C2CD3: variants seen among roughly 807,000 people sequenced by gnomAD.
C2CD3 encodes C2 domain-containing protein 3.
Under a neutral mutation model 234.0 loss-of-function variants are expected in C2CD3, and 148 were observed. That is an observed-to-expected ratio of 0.63 (90% CI 0.55 to 0.72). The LOEUF is 0.72. Ranked by LOEUF, C2CD3 falls within the 30% of genes least tolerant of loss-of-function variation. The pLI is 0.00. For missense variants in C2CD3, 2,577 were observed against 2,811.5 expected, an observed-to-expected ratio of 0.92 and a Z score of 1.89; for synonymous variants, 1,000 against 1,035.4, an observed-to-expected ratio of 0.97 and a Z score of 0.66.
intron 3 of C2CD3, among the ~76,000 whole-genome samples, chr11:74,156,004 A>G (rs1437206238): frequency 6.6e-6 from 1 of 151,968 alleles, no homozygotes; most frequent in East Asian, 1.9e-4. Context: ...GGCCAGGTGC[A>G]GTGGGTCATG....
chr11:74,142,964 C>A (rs1473447220), intron 3 of C2CD3, among the ~76,000 whole-genome samples: 1 of 151,940 alleles, frequency 6.6e-6, no homozygotes, highest in Non-Finnish European at 1.5e-5. Flanking sequence ...ACATTTTTTT[C>A]TTTAAATGTC....
intron 16 of C2CD3, among the ~76,000 whole-genome samples, chr11:74,095,825 G>C (rs1370890208): frequency 6.6e-6 from 1 of 152,192 alleles, no homozygotes; most frequent in African/African-American, 2.4e-5. Flanking sequence ...AAAGGAATGA[G>C]AAGTGAAGTG....
At chr11:74,032,161 G>A (rs1426027460) in intron 31 of C2CD3, among the ~76,000 whole-genome samples, 1 of 152,158 alleles carries the variant, frequency 6.6e-6, no homozygotes, top group Non-Finnish European at 1.5e-5. Flanking sequence ...TGGTGGGTAA[G>A]GGATTTCCGC....
chr11:74,138,450 G>A (rs991405084), intron 5 of C2CD3, among the ~76,000 whole-genome samples: 2 of 152,136 alleles, frequency 1.3e-5, no homozygotes, highest in African/African-American at 4.8e-5. Context: ...CCTTTTCTAT[G>A]ATAAAGGTTT....
intron 5 of C2CD3, among the ~76,000 whole-genome samples, chr11:74,135,510 A>C (rs1957833630): frequency 6.6e-6 from 1 of 152,164 alleles, no homozygotes; most frequent in Admixed American, 6.5e-5. Flanking sequence ...TAACCTTTTA[A>C]AGCAAATTTT....
intron 14 of C2CD3, among the ~76,000 whole-genome samples, chr11:74,100,892 T>C (rs1170806488): frequency 6.6e-6 from 1 of 151,838 alleles, no homozygotes; most frequent in Non-Finnish European, 1.5e-5. Context: ...AAACAGTGAG[T>C]TCTCTGATGA....
chr11:74,109,138 G>C lies in C2CD3; in HGVS notation c.1858C>G (p.Gln620Glu). 6.4e-7 allele frequency: 1 copy of C among 1,573,390 alleles called. No homozygotes were observed. Among genetic ancestry groups the C allele is most frequent in the Non-Finnish European group, 8.6e-7 (1 of 1,160,776 alleles). ...KITDGKVKFQ[Q>E]RFVFPVQFGG... The stretch of plus-strand genomic sequence containing the variant: ...AACTGTACTGGAAACACAAATCGCT[G>C]CTGGAACTTCACCTCTGTAAGGAGA... Residue 620 changes from glutamine (Q) to glutamate (E), a missense_variant, in exon 12 of 33, where the codon CAG (glutamine) becomes GAG (glutamate). By Grantham distance (29) the Gln-to-Glu change is conservative (BLOSUM62 2). Coordinates refer to ENST00000334126, the MANE Select transcript of C2CD3 (RefSeq NM_001286577.2).
intron 23 of C2CD3, among the ~76,000 whole-genome samples, chr11:74,075,231 G>A (rs749444693): frequency 1.3e-4 from 20 of 152,208 alleles, no homozygotes; most frequent in Non-Finnish European, 2.8e-4. Context: ...AGAAGTCTAA[G>A]ATTTGATGAA....
chr11:74,081,508 T>C (rs1955357729), intron 22 of C2CD3, among the ~76,000 whole-genome samples: 1 of 152,234 alleles, frequency 6.6e-6, no homozygotes, highest in Admixed American at 6.5e-5. Flanking sequence ...AATAAGATCC[T>C]ATATCCTTAC....
chr11:74,093,970 T>C lies in C2CD3; in HGVS notation c.3190A>G (p.Thr1064Ala), dbSNP rs1431137684. 3 of 1,613,760 alleles carry C rather than the reference T, an allele frequency of 1.9e-6. No individual in the cohort carries two copies. The South Asian group carries it at 3.3e-5, about 18-fold the overall frequency. Residue 1064 changes from threonine to alanine, a missense_variant, in exon 18 of 33, where the codon ACC becomes GCC. Physicochemically the swap from Thr to Ala is moderately conservative, Grantham distance 58. Coordinates refer to ENST00000334126, the MANE Select transcript of C2CD3 (RefSeq NM_001286577.2). ...ATGGGATCTGGAACACAGAGTGTGG[T>C]TGCAGTTCTGAAGGGCTTCAGAGTA... is the stretch of plus-strand genomic sequence containing the variant. ...GITLKPFRTA[T>A]TLCVPDPIFN... is the part of the protein sequence containing the mutation.
At chr11:74,057,881 T>G (rs985765775) in intron 24 of C2CD3, among the ~76,000 whole-genome samples, 1 of 151,904 alleles carries the variant, frequency 6.6e-6, no homozygotes, top group Non-Finnish European at 1.5e-5. Flanking sequence ...ATCTCTTGAG[T>G]CTGGGAGGCA....
At chr11:74,170,519 C>T (rs137913578) in intron 1 of C2CD3, among the ~76,000 whole-genome samples, 1 of 152,346 alleles carries the variant, frequency 6.6e-6, no homozygotes, top group African/African-American at 2.4e-5. Context: ...CGGTAACCTT[C>T]ATCTCATTAA....
intron 31 of C2CD3, among the ~76,000 whole-genome samples, chr11:74,033,025 TTC>T (rs1286858134): frequency 6.6e-6 from 1 of 152,326 alleles, no homozygotes; most frequent in East Asian, 1.9e-4. Context: ...GACCCTCTGC[TTC>T]TCTTTCAACT....
chr11:74,107,322 T>TCTCACACACACACACACACACACA (rs948551188), intron 12 of C2CD3, among the ~76,000 whole-genome samples: 49 of 146,614 alleles, frequency 3.3e-4, no homozygotes, highest in African/African-American at 1.1e-3. Context: ...TGAAACTGTG[T>TCTCACACACACACACACACACACA]CACACACACA....
rs1951745563 is a variant in C2CD3 at position 74,012,939 on chromosome 11, G to A, written c.*446C>T. 1 of 152,652 alleles carries A rather than the reference G, an allele frequency of 6.6e-6. No individual in the cohort carries two copies. The highest frequency in any genetic ancestry group is 2.1e-4 in the South Asian group (1 of 4,822). The allele number at this position is 152,652 out of a possible 1,614,324, so 9.5% of individuals were successfully genotyped here. The stretch of plus-strand genomic sequence containing the variant: ...TTGTTCCCACACAAATGAACTGGAG[G>A]TGGCCCTAGGATTTCCTTGACTATG... On this transcript the variant is annotated 3_prime_UTR_variant, in exon 33 of 33. Transcript: ENST00000334126.
Position 74,057,643 on chromosome 11 carries a change from A to G in C2CD3, c.4952-99T>C, listed in dbSNP as rs1954019534. ...GACTATTCCTGGCCCTCTTCTTCCT[A>G]TGGGGTCTTTGCTCAAGCTATCCCC... On this transcript the variant is annotated intron_variant, in intron 24 of 32. Transcript: ENST00000334126. The G allele has an allele frequency of 5.6e-6, 7 of 1,250,060 alleles. No individual in the cohort carries two copies. The East Asian group carries it at 1.6e-4, about 29-fold the overall frequency. 77.4% of individuals were successfully genotyped at this position (1,250,060 alleles called of 1,614,324 possible).
At position 74,093,970 on chromosome 11, in the gene C2CD3, T is replaced by A; in HGVS notation, c.3190A>T (p.Thr1064Ser). 6.2e-7 allele frequency: 1 copy of A among 1,613,878 alleles called. No individual in the cohort carries two copies. The change falls in exon 18 of 33, where the codon ACC becomes TCC. Residue 1064 changes from threonine to serine, a missense_variant. Physicochemically the swap from Thr to Ser is moderately conservative, Grantham distance 58. Coordinates refer to ENST00000334126, the MANE Select transcript of C2CD3 (RefSeq NM_001286577.2). Reference sequence around the variant, plus strand: ...ATGGGATCTGGAACACAGAGTGTGGTTGCAGTTCTGAAGGGCTTCAGAGTA... The same window carrying A: ...ATGGGATCTGGAACACAGAGTGTGGATGCAGTTCTGAAGGGCTTCAGAGTA... ...GITLKPFRTA[T>S]TLCVPDPIFN...
Position 74,057,443 on chromosome 11 carries a change from T to C in C2CD3, c.5053A>G (p.Thr1685Ala), listed in dbSNP as rs146591742. The C allele has an allele frequency of 4.9e-4, 785 of 1,614,150 alleles. 2 individuals are homozygous for C. In the African/African-American group the frequency reaches 9.3e-3, roughly 19 times the overall value. The part of the protein sequence containing the change: ...SPVYTQVVEN[T>A]DSPIWNFQQQ... ...TGAAAATTCCAGATGGGGGAATCTG[T>C]GTTTTCAACCACTTGGGTGTATACA... The change falls in exon 25 of 33, where the codon ACA (threonine) becomes GCA (alanine). Residue 1685 changes from threonine (T) to alanine (A), a missense_variant. Transcript: ENST00000334126.
chr11:74,077,971 T>TA, intron 23 of C2CD3, 144 bp downstream of exon 23: 1 of 973,266 alleles, frequency 1.0e-6, no homozygotes. Context: ...CCTCCTTTTT[T>TA]ATGAATGTAA....
Sources: gnomAD v4.1 joint callset for allele counts (sites outside exome capture counted in the v4.1 genomes callset) on GRCh38, gnomAD v4.1.1 for gene constraint, MANE v1.5 for transcripts, NCBI Gene and HGNC (gene_info 2026-07-23, HGNC 2026-07-21) for gene names.